OR9Q1: variants seen among roughly 807,000 people sequenced by gnomAD.
The protein encoded by OR9Q1 is olfactory receptor 9Q1.
For missense variants in OR9Q1, 374 were observed against 378.8 expected (o/e 0.99, Z 0.11); for synonymous variants, 153 against 148.6 (o/e 1.03, Z -0.22).
At chr11:58,167,103 A>T (rs1854512297) in intron 2 of OR9Q1, among the ~76,000 whole-genome samples, 1 of 152,174 alleles carries the variant, frequency 6.6e-6, no homozygotes, top group South Asian at 2.1e-4. Flanking sequence ...TTCCACTTAT[A>T]AGTGAGAATA....
At chr11:58,029,766 G>A (rs907373547) in intron 1 of OR9Q1, among the ~76,000 whole-genome samples, 3 of 151,312 alleles carry the variant, frequency 2.0e-5, no homozygotes, top group Non-Finnish European at 4.4e-5. Context: ...TCTCCTACTG[G>A]CATTTCTGCA....
chr11:58,087,007 A>G (rs528777673), intron 2 of OR9Q1, among the ~76,000 whole-genome samples: 1 of 151,940 alleles, frequency 6.6e-6, no homozygotes, highest in Non-Finnish European at 1.5e-5. Flanking sequence ...TTTAAATTTC[A>G]CCACAAAGAT....
At chr11:58,127,487 A>G (rs1854101120) in intron 2 of OR9Q1, among the ~76,000 whole-genome samples, 1 of 152,178 alleles carries the variant, frequency 6.6e-6, no homozygotes, top group African/African-American at 2.4e-5. Context: ...GAATTATGCC[A>G]TGGGCCTAGT....
chr11:58,180,017 G>C lies in OR9Q1; in HGVS notation c.573G>C (p.Glu191Asp), dbSNP rs768685451. 2 of 1,614,136 alleles carry C rather than the reference G, an allele frequency of 1.2e-6. No homozygotes were observed. The highest frequency in any genetic ancestry group is 1.7e-6 in the Non-Finnish European group (2 of 1,180,006). ...CTCTGTTAAAGTTGACCTGTGGGGA[G>C]AGCTACACTCAAGAAGTGCTGATTA... The part of the protein sequence containing the change: ...LPPLLKLTCG[E>D]SYTQEVLIIM... The change falls in exon 3 of 3, where the codon GAG becomes GAC. Residue 191 changes from glutamate (E) to aspartate (D), a missense_variant. Glu to Asp is a conservative substitution (Grantham distance 45, BLOSUM62 2). Transcript: ENST00000335397.
intron 2 of OR9Q1, among the ~76,000 whole-genome samples, chr11:58,068,271 C>T (rs1853449413): frequency 6.6e-6 from 1 of 151,328 alleles, no homozygotes; most frequent in South Asian, 2.1e-4. Flanking sequence ...TCACTTGAAC[C>T]TGGGAGGTGG....
At chr11:58,168,654 T>C (rs775829565) in intron 2 of OR9Q1, among the ~76,000 whole-genome samples, 48 of 152,194 alleles carry the variant, frequency 3.2e-4, no homozygotes, top group Non-Finnish European at 5.0e-4. Flanking sequence ...GTCTATTGTA[T>C]TGCAAGAATC....
At chr11:58,071,450 T>A (rs1184385968) in intron 2 of OR9Q1, among the ~76,000 whole-genome samples, 1 of 151,886 alleles carries the variant, frequency 6.6e-6, no homozygotes, top group Non-Finnish European at 1.5e-5. Context: ...ATGACGCCAC[T>A]GCACTCCAGC....
intron 2 of OR9Q1, among the ~76,000 whole-genome samples, chr11:58,162,479 G>A (rs1079373): frequency 0.014 from 2,204 of 152,240 alleles, 53 homozygotes; most frequent in African/African-American, 0.05. Context: ...TCTATGCCAC[G>A]CTATGGTAGT....
At chr11:58,079,701 T>G (rs1590576451) in intron 2 of OR9Q1, among the ~76,000 whole-genome samples, 1 of 152,310 alleles carries the variant, frequency 6.6e-6, no homozygotes, top group African/African-American at 2.4e-5. Context: ...GATAGCTTAC[T>G]GGAGAACAGG....
intron 2 of OR9Q1, among the ~76,000 whole-genome samples, chr11:58,092,262 A>G (rs898345820): frequency 6.6e-6 from 1 of 151,826 alleles, no homozygotes; most frequent in Non-Finnish European, 1.5e-5. Context: ...TGTGTTTTTT[A>G]GAGCGGCTGG....
At chr11:58,031,260 C>T in intron 1 of OR9Q1, 9 of 1,614,128 alleles carry the variant, frequency 5.6e-6, no homozygotes, top group Non-Finnish European at 7.6e-6. Flanking sequence ...GATTGCCTAT[C>T]CCAGCTCTTC....
chr11:58,147,683 G>A (rs1008398144), intron 2 of OR9Q1, among the ~76,000 whole-genome samples: 2 of 152,132 alleles, frequency 1.3e-5, no homozygotes, highest in African/African-American at 4.8e-5. Flanking sequence ...AAGTTTTAGT[G>A]TGTTTTAGGC....
At chr11:58,082,453 G>A (rs1853596669) in intron 2 of OR9Q1, among the ~76,000 whole-genome samples, 1 of 151,674 alleles carries the variant, frequency 6.6e-6, no homozygotes, top group East Asian at 2.0e-4. Context: ...GTAGGGACAT[G>A]GATGAAATTG....
At chr11:58,035,441 G>A (rs1853092252) in intron 1 of OR9Q1, among the ~76,000 whole-genome samples, 1 of 152,140 alleles carries the variant, frequency 6.6e-6, no homozygotes, top group African/African-American at 2.4e-5. Flanking sequence ...AATTGAAGGA[G>A]CTCTTTATGG....
intron 2 of OR9Q1, among the ~76,000 whole-genome samples, chr11:58,143,105 G>C (rs192770048): frequency 2.0e-3 from 300 of 152,292 alleles, no homozygotes; most frequent in Non-Finnish European, 3.4e-3. Flanking sequence ...TGGAACTCCA[G>C]GTGGCTGTGG....
At chr11:58,097,365 G>C (rs1312147964) in intron 2 of OR9Q1, among the ~76,000 whole-genome samples, 1 of 152,138 alleles carries the variant, frequency 6.6e-6, no homozygotes, top group Non-Finnish European at 1.5e-5. Context: ...TAAGGAAAGG[G>C]AATTACTGGG....
chr11:58,083,247 C>G (rs1215074312), intron 2 of OR9Q1, among the ~76,000 whole-genome samples: 2 of 152,022 alleles, frequency 1.3e-5, no homozygotes, highest in Non-Finnish European at 2.9e-5. Context: ...GTTTTCCCAG[C>G]ACCATTTATT....
chr11:58,037,660 T>C, intron 1 of OR9Q1, among the ~76,000 whole-genome samples: 1 of 4,246 alleles, frequency 2.4e-4, no homozygotes, highest in African/African-American at 4.2e-4. Flanking sequence ...TAACTATATA[T>C]ATATATATAT....
intron 1 of OR9Q1, among the ~76,000 whole-genome samples, chr11:58,039,689 A>G (rs1204369016): frequency 1.3e-5 from 2 of 152,224 alleles, no homozygotes; most frequent in Non-Finnish European, 2.9e-5. Context: ...TTATTTACTT[A>G]TAAAACAGTT....
Sources: allele counts gnomAD v4.1 joint callset (sites outside exome capture counted in the v4.1 genomes callset), GRCh38; gene constraint gnomAD v4.1.1; transcripts MANE v1.5; gene names NCBI Gene and HGNC (gene_info 2026-07-23, HGNC 2026-07-21).